CWC22: variants seen among roughly 807,000 people sequenced by gnomAD.
CWC22 encodes CWC22 spliceosome associated protein.
Under a neutral mutation model 117.2 loss-of-function variants are expected in CWC22, and 53 were observed. That is an observed-to-expected ratio of 0.45 (90% confidence interval 0.36 to 0.57). CWC22 has a LOEUF of 0.57. CWC22 is among the 20% of genes least tolerant of loss of function. The pLI, the probability that CWC22 is intolerant of heterozygous loss-of-function variation, is 0.00. For synonymous variants in CWC22, 360 were observed against 355.6 expected (o/e 1.01, Z -0.14); for missense variants, 980 against 1,068.8 (o/e 0.92, Z 1.16).
chr2:179,979,372 C>T (rs1189646349), intron 5 of CWC22, among the ~76,000 whole-genome samples: 1 of 152,096 alleles, frequency 6.6e-6, no homozygotes, highest in Non-Finnish European at 1.5e-5. Context: ...AACAGACTGT[C>T]AATACTCTGA....
intron 14 of CWC22, 111 bp from the exon 15 acceptor site, chr2:179,955,145 A>G (rs1380832553): frequency 1.3e-6 from 1 of 745,202 alleles, no homozygotes; most frequent in Non-Finnish European, 2.2e-6. Context: ...GGTTTAAAAC[A>G]GTTCAAAAAT....
chr2:179,947,635 G>C (rs1453865338), intron 19 of CWC22, among the ~76,000 whole-genome samples: 1 of 152,098 alleles, frequency 6.6e-6, no homozygotes, highest in Non-Finnish European at 1.5e-5. Flanking sequence ...AAATTCTGTA[G>C]AATATAAAAA....
At chr2:179,995,544 G>T (rs1028866949) in intron 1 of CWC22, among the ~76,000 whole-genome samples, 1 of 152,200 alleles carries the variant, frequency 6.6e-6, no homozygotes, top group Non-Finnish European at 1.5e-5. Context: ...GGGCCACTGG[G>T]TAGTTTATGT....
At chr2:179,980,210 A>C (rs1172008731) in intron 5 of CWC22, among the ~76,000 whole-genome samples, 2 of 152,148 alleles carry the variant, frequency 1.3e-5, no homozygotes, top group African/African-American at 2.4e-5. Context: ...TTACATGATA[A>C]TGAAGGTCCT....
intron 11 of CWC22, among the ~76,000 whole-genome samples, chr2:179,968,023 C>T (rs1254018012): frequency 1.3e-5 from 2 of 152,108 alleles, no homozygotes; most frequent in Admixed American, 1.3e-4. Context: ...TTCCCCGACA[C>T]TTAGATTTTT....
Position 179,964,549 on chromosome 2 carries a change from T to A in CWC22, c.1395A>T (p.Ser465=), listed in dbSNP as rs543404113. 6.5e-7 allele frequency: 1 copy of A among 1,542,206 alleles called. No individual in the cohort carries two copies. The highest frequency in any genetic ancestry group is 8.8e-7 in the Non-Finnish European group (1 of 1,131,106). The change falls in exon 13 of 20, where the codon TCA becomes TCT. Residue 465 remains serine, a splice_region_variant and synonymous_variant. Coordinates refer to ENST00000410053, the MANE Select transcript of CWC22 (RefSeq NM_020943.3). ...FRRTIYLAIQ[S]SLDFEECAHK... is the part of the protein sequence containing the mutation. ...TGAACTGAGATATGATGCCTTACCT[T>A]GACTGAATAGCAAGATAAATTGTAC...
At chr2:179,979,151 CA>C (rs1205311200) in intron 5 of CWC22, among the ~76,000 whole-genome samples, 2 of 152,194 alleles carry the variant, frequency 1.3e-5, no homozygotes, top group South Asian at 4.2e-4. Flanking sequence ...CTGGTGAAAT[CA>C]GTAGACTTTT....
Position 179,971,117 on chromosome 2 carries a change from T to C in CWC22, c.805-41A>G, listed in dbSNP as rs771569575. On this transcript the variant is annotated intron_variant, in intron 8 of 19. Coordinates refer to ENST00000410053, the MANE Select transcript of CWC22 (RefSeq NM_020943.3). The stretch of plus-strand genomic sequence containing the variant: ...TATACAAGGAAGAAACAAAATGCTT[T>C]TACATACATTAAATTATTTTTATAA... 11 of 1,273,060 alleles carry C rather than the reference T, an allele frequency of 8.6e-6. No individual in the cohort carries two copies. The African/African-American group carries it at 1.7e-4, about 19-fold the overall frequency. 78.9% of individuals were successfully genotyped at this position (1,273,060 alleles called of 1,614,324 possible). A position where few individuals can be genotyped will look rare whatever the true frequency, so the allele number is the denominator to read the frequency against.
chr2:179,950,374 G>A (rs1686412690), intron 19 of CWC22, 138 bp downstream of exon 19: 1 of 603,208 alleles, frequency 1.7e-6, no homozygotes, highest in Non-Finnish European at 2.9e-6. Flanking sequence ...TGATAGATGG[G>A]ACCATTTGTA....
chr2:179,947,316 C>T (rs1317178845), intron 19 of CWC22, among the ~76,000 whole-genome samples: 1 of 152,170 alleles, frequency 6.6e-6, no homozygotes, highest in African/African-American at 2.4e-5. Flanking sequence ...CAAGCAGAAA[C>T]CATCTGGCTC....
intron 1 of CWC22, among the ~76,000 whole-genome samples, chr2:179,996,581 T>C (rs1253171753): frequency 1.3e-5 from 2 of 152,074 alleles, no homozygotes; most frequent in Non-Finnish European, 2.9e-5. Flanking sequence ...CTCATTTACA[T>C]GCAGAAGCTA....
chr2:179,961,451 A>T (rs1385149560), intron 13 of CWC22, among the ~76,000 whole-genome samples: 1 of 152,032 alleles, frequency 6.6e-6, no homozygotes, highest in African/African-American at 2.4e-5. Flanking sequence ...AAAGAAACCT[A>T]TCAGGAAAGA....
chr2:179,997,296 T>C (rs753121868), intron 1 of CWC22, among the ~76,000 whole-genome samples: 5 of 151,874 alleles, frequency 3.3e-5, no homozygotes, highest in Non-Finnish European at 5.9e-5. Flanking sequence ...TAAGGATATA[T>C]ATATACTGTT....
intron 4 of CWC22, among the ~76,000 whole-genome samples, chr2:179,986,186 A>G (rs1480802599): frequency 1.3e-5 from 2 of 152,182 alleles, no homozygotes; most frequent in Admixed American, 6.5e-5. Flanking sequence ...ACAGGTGGGT[A>G]ACCAAGTTCT....
chr2:179,951,200 T>C (rs1451715350), intron 17 of CWC22, among the ~76,000 whole-genome samples: 4 of 151,954 alleles, frequency 2.6e-5, no homozygotes, highest in Non-Finnish European at 5.9e-5. Flanking sequence ...AAGATAAATA[T>C]ATACACATAT....
intron 1 of CWC22, among the ~76,000 whole-genome samples, chr2:180,006,124 TG>T (rs1387096480): frequency 6.6e-6 from 1 of 152,192 alleles, no homozygotes; most frequent in Non-Finnish European, 1.5e-5. Flanking sequence ...GTAGGTTAAC[TG>T]ATCTGCTGAG....
chr2:179,964,633 A>G lies in CWC22; in HGVS notation c.1316-5T>C. 1 of 1,479,886 alleles carries G rather than the reference A, an allele frequency of 6.8e-7. No individual in the cohort carries two copies. The highest frequency in any genetic ancestry group is 9.2e-7 in the Non-Finnish European group (1 of 1,084,774). 91.7% of individuals were successfully genotyped at this position (1,479,886 alleles called of 1,614,324 possible). A position where few individuals can be genotyped will look rare whatever the true frequency, so the allele number is the denominator to read the frequency against. On this transcript the variant is annotated splice_polypyrimidine_tract_variant and splice_region_variant and intron_variant, in intron 12 of 19. Transcript: ENST00000410053. ...CATGAATAGTTACTTTTTGTCCTGA[A>G]AGAAACATAACAAAATTACACAACT...
intron 1 of CWC22, among the ~76,000 whole-genome samples, chr2:180,002,985 TTAA>T (rs1418462146): frequency 6.6e-6 from 1 of 152,234 alleles, no homozygotes; most frequent in Non-Finnish European, 1.5e-5. Context: ...TGTCTGCTAC[TTAA>T]TAAGTTCCAA....
chr2:179,984,811 G>C (rs1226495407), intron 4 of CWC22, among the ~76,000 whole-genome samples: 2 of 151,986 alleles, frequency 1.3e-5, no homozygotes, highest in African/African-American at 2.4e-5. Context: ...TGTTAGTTTT[G>C]TAAGATTAAT....
Sources: allele counts gnomAD v4.1 joint callset (sites outside exome capture counted in the v4.1 genomes callset), GRCh38; gene constraint gnomAD v4.1.1; transcripts MANE v1.5; gene names NCBI Gene and HGNC (gene_info 2026-07-23, HGNC 2026-07-21).